The following DST variants were observed in gnomAD, a reference collection of about 807,000 sequenced individuals.
DST encodes the protein bullous pemphigoid antigen.
DST carries 253 observed loss-of-function variants against 875.2 expected under a neutral mutation model. The observed-to-expected ratio is 0.29, with a 90% CI of 0.26 to 0.32. DST has a LOEUF of 0.32. Ranked by LOEUF, DST falls within the 10% of genes least tolerant of loss-of-function variation. The probability of loss-of-function intolerance (pLI) is 1.00; values close to 1 mark genes in which losing one functional copy is unlikely to be tolerated. For synonymous variants in DST, 3,124 were observed against 3,197.1 expected (o/e 0.98, Z 0.77); for missense variants, 8,287 against 9,111.6 (o/e 0.91, Z 3.68).
chr6:56,774,296 C>T (rs1027634781), intron 4 of DST, among the ~76,000 whole-genome samples: 7 of 152,102 alleles, frequency 4.6e-5, no homozygotes, highest in African/African-American at 1.2e-4. Context: ...TGTTCTGTTA[C>T]GGCAGACAGG....
At chr6:56,468,315 A>G (rs1261613845) in intron 98 of DST, among the ~76,000 whole-genome samples, 3 of 152,222 alleles carry the variant, frequency 2.0e-5, no homozygotes, top group African/African-American at 7.2e-5. Flanking sequence ...CTTAAGTGCC[A>G]ATAATATAAA....
chr6:56,940,190 A>C (rs1478840786), intron 2 of DST, among the ~76,000 whole-genome samples: 1 of 39,910 alleles, frequency 2.5e-5, no homozygotes, highest in Non-Finnish European at 5.2e-5. Context: ...CATTACCCCC[A>C]TACACACACA....
chr6:56,537,081 G>A (rs1376387844), intron 61 of DST, 141 bp from the exon 62 acceptor site: 3 of 673,826 alleles, frequency 4.5e-6, no homozygotes, highest in African/African-American at 3.6e-5. Flanking sequence ...TCTAGCCATA[G>A]GTCATAGCTA....
intron 4 of DST, among the ~76,000 whole-genome samples, chr6:56,782,953 C>T (rs891824605): frequency 6.6e-6 from 1 of 152,156 alleles, no homozygotes; most frequent in South Asian, 2.1e-4. Context: ...CAAAGAACAT[C>T]TTTATTACTG....
chr6:56,619,582 T>C (rs1177805896), intron 36 of DST: 1 of 1,613,878 alleles, frequency 6.2e-7, no homozygotes, highest in African/African-American at 1.3e-5. Context: ...CTACTTCTCT[T>C]TGTAGTTTCC....
intron 2 of DST, among the ~76,000 whole-genome samples, chr6:56,901,986 T>A (rs1016874929): frequency 6.6e-6 from 1 of 152,238 alleles, no homozygotes; most frequent in Admixed American, 6.5e-5. Context: ...CTCTCAGCGC[T>A]AGCAGATCTC....
intron 3 of DST, among the ~76,000 whole-genome samples, chr6:56,888,228 GTGAA>G (rs1785587151): frequency 5.9e-5 from 9 of 151,988 alleles, no homozygotes; most frequent in South Asian, 2.1e-4. Flanking sequence ...GATTACAGAC[GTGAA>G]CCACCACACC....
intron 3 of DST, among the ~76,000 whole-genome samples, chr6:56,890,646 T>C (rs1048209837): frequency 2.0e-5 from 3 of 152,234 alleles, no homozygotes; most frequent in African/African-American, 7.2e-5. Flanking sequence ...TATATTTGCA[T>C]ATAGCTTACA....
chr6:56,682,342 T>C (rs573254514), intron 9 of DST, among the ~76,000 whole-genome samples: 2 of 152,246 alleles, frequency 1.3e-5, no homozygotes, highest in South Asian at 4.2e-4. Flanking sequence ...CTGGCTTATT[T>C]TACCTTTTCA....
rs147759423 is a variant in DST, at chr6:56,618,889, C to T, written c.4930-4405G>A. 3.8e-5 allele frequency: 62 copies of T among 1,614,118 alleles called. No individual in the cohort carries two copies. In the African/African-American group the frequency reaches 6.1e-4, roughly 16 times the overall value. The stretch of plus-strand genomic sequence containing the variant: ...GTAATTCGTCTTGTACTTTTTTCAA[C>T]CTGTTATTTAACTCTTGCACCTGAG... On this transcript the variant is annotated intron_variant, in intron 36 of 103. Transcript: ENST00000680361.
At chr6:56,833,763 G>A (rs1357644290) in intron 4 of DST, among the ~76,000 whole-genome samples, 2 of 151,978 alleles carry the variant, frequency 1.3e-5, no homozygotes, top group Admixed American at 6.6e-5. Context: ...AAATAATCAG[G>A]TCCTTATTTA....
intron 36 of DST, chr6:56,614,887 G>T: frequency 1.0e-6 from 1 of 992,744 alleles, no homozygotes. Context: ...GTACATGTAA[G>T]GAAAATACAC....
At chr6:56,900,367 C>G (rs1793511392) in intron 3 of DST, 54 bp downstream of exon 3, 1 of 1,280,994 alleles carries the variant, frequency 7.8e-7, no homozygotes, top group African/African-American at 1.5e-5. Context: ...AAAGAACAAC[C>G]ACATGATTTG....
chr6:56,699,569 G>T, intron 9 of DST, 84 bp downstream of exon 9: 1 of 643,426 alleles, frequency 1.6e-6, no homozygotes, highest in South Asian at 2.0e-5. Context: ...TTCTTCCATA[G>T]AACATGAATG....
At chr6:56,658,911 G>C (rs931899464) in intron 10 of DST, among the ~76,000 whole-genome samples, 7 of 152,206 alleles carry the variant, frequency 4.6e-5, no homozygotes, top group African/African-American at 1.7e-4. Context: ...AAGGAGACCA[G>C]TGCATGAGTG....
chr6:56,577,391 C>T (rs1185912536), intron 50 of DST, among the ~76,000 whole-genome samples: 3 of 152,140 alleles, frequency 2.0e-5, no homozygotes, highest in Non-Finnish European at 4.4e-5. Flanking sequence ...AATGTTAGAA[C>T]TTCCATTCAT....
chr6:56,506,302 G>A, intron 77 of DST, 141 bp downstream of exon 77: 1 of 607,050 alleles, frequency 1.6e-6, no homozygotes, highest in African/African-American at 1.8e-5. Context: ...CATGAAATGA[G>A]ATACACAGGC....
intron 4 of DST, among the ~76,000 whole-genome samples, chr6:56,791,464 G>A (rs1211305367): frequency 2.6e-5 from 4 of 152,086 alleles, no homozygotes; most frequent in Non-Finnish European, 5.9e-5. Context: ...TTTGAATAGC[G>A]AATATCAGTA....
Position 56,503,012 on chromosome 6 carries a change from G to A in DST, c.19566+985C>T, listed in dbSNP as rs1359344923. Among the ~76,000 whole-genome samples the A allele has an allele frequency of 2.0e-5, 3 of 152,180 alleles. No individual in the cohort carries two copies. The East Asian group carries it at 5.8e-4, about 29-fold the overall frequency. On this transcript the variant is annotated intron_variant, in intron 78 of 103. Transcript: ENST00000680361. ...AGCCACTTTCACATCTGCAGATCAA[G>A]AATTACAAAAGCAAAAACTACAGAG...
Sources: allele counts gnomAD v4.1 joint callset (sites outside exome capture counted in the v4.1 genomes callset), GRCh38; gene constraint gnomAD v4.1.1; transcripts MANE v1.5; gene names NCBI Gene and HGNC (gene_info 2026-07-23, HGNC 2026-07-21).